Variants in RETREG1 observed in about 807,000 individuals in gnomAD.
RETREG1 encodes the protein family with sequence similarity 134 member B.
RETREG1 carries 44 observed loss-of-function variants against 54.8 expected under a neutral mutation model. That is an observed-to-expected ratio of 0.80 (90% confidence interval 0.63 to 1.03). RETREG1 has a LOEUF of 1.03. RETREG1 is among the 50% of genes least tolerant of loss of function. The pLI, the probability that RETREG1 is intolerant of heterozygous loss-of-function variation, is 0.00. For synonymous variants in RETREG1, 217 were observed against 238.5 expected, an observed-to-expected ratio of 0.91 and a Z score of 0.83; for missense variants, 554 against 605.1, an observed-to-expected ratio of 0.92 and a Z score of 0.89.
At chr5:16,492,769 A>G (rs931316350) in intron 3 of RETREG1, among the ~76,000 whole-genome samples, 31 of 152,224 alleles carry the variant, frequency 2.0e-4, no homozygotes, top group Admixed American at 1.2e-3. Context: ...AGGTGCTTGC[A>G]TATGACTGTA....
At chr5:16,569,578 C>T (rs963485267) in intron 2 of RETREG1, among the ~76,000 whole-genome samples, 2 of 152,156 alleles carry the variant, frequency 1.3e-5, no homozygotes, top group African/African-American at 4.8e-5. Context: ...GAAGGCCCTT[C>T]TATTTGACGC....
intron 3 of RETREG1, among the ~76,000 whole-genome samples, chr5:16,496,361 G>T (rs748145452): frequency 3.3e-5 from 5 of 152,160 alleles, no homozygotes; most frequent in Non-Finnish European, 7.3e-5. Flanking sequence ...CCATCTCATT[G>T]CTCAGACACT....
chr5:16,534,284 A>G (rs1195305614), intron 3 of RETREG1, among the ~76,000 whole-genome samples: 2 of 152,190 alleles, frequency 1.3e-5, no homozygotes, highest in African/African-American at 4.8e-5. Flanking sequence ...GTCACTAAAA[A>G]ACAAACAACG....
intron 3 of RETREG1, among the ~76,000 whole-genome samples, chr5:16,500,935 G>A (rs1056439669): frequency 2.3e-4 from 35 of 152,158 alleles, no homozygotes; most frequent in Middle Eastern, 3.4e-3. Context: ...CCCCCTAGAG[G>A]AGACTACCAC....
At chr5:16,553,953 A>G (rs1273151411) in intron 3 of RETREG1, among the ~76,000 whole-genome samples, 1 of 152,216 alleles carries the variant, frequency 6.6e-6, no homozygotes, top group Non-Finnish European at 1.5e-5. Flanking sequence ...CAAAGACTAC[A>G]GTTCGGACCA....
chr5:16,550,484 T>C (rs1741504537), intron 3 of RETREG1, among the ~76,000 whole-genome samples: 1 of 152,168 alleles, frequency 6.6e-6, no homozygotes, highest in African/African-American at 2.4e-5. Context: ...ACGCCCATCA[T>C]CTGCCAGTCC....
At chr5:16,613,267 T>A (rs1743400248) in intron 1 of RETREG1, among the ~76,000 whole-genome samples, 1 of 152,198 alleles carries the variant, frequency 6.6e-6, no homozygotes, top group African/African-American at 2.4e-5. Flanking sequence ...GGTTGAAATA[T>A]TAGGTACACC....
chr5:16,510,818 C>CA (rs57713373), intron 3 of RETREG1, among the ~76,000 whole-genome samples: 4,248 of 75,622 alleles, frequency 0.056, 126 homozygotes, highest in Non-Finnish European at 0.073. Context: ...ACAACAACAA[C>CA]AAAAAAAAAA....
intron 3 of RETREG1, among the ~76,000 whole-genome samples, chr5:16,515,819 G>A (rs779012999): frequency 6.6e-5 from 10 of 152,142 alleles, no homozygotes; most frequent in Admixed American, 6.5e-5. Context: ...AGCAATGCGC[G>A]AGGGAAATGA....
rs527961355 is a variant in RETREG1 at position 16,486,931 on chromosome 5, C to T, written c.459-3459G>A. Among the ~76,000 whole-genome samples the T allele has an allele frequency of 7.9e-5, 12 of 152,276 alleles. No homozygotes were observed. The South Asian group carries it at 2.1e-3, about 26-fold the overall frequency. On this transcript the variant is annotated intron_variant, in intron 3 of 8. Transcript: ENST00000306320. ...TCATCTGCACACACACACATACACA[C>T]GCTGAGTTGCTACGTAATGAAACTC...
At chr5:16,503,868 A>T (rs937262863) in intron 3 of RETREG1, among the ~76,000 whole-genome samples, 2 of 151,266 alleles carry the variant, frequency 1.3e-5, no homozygotes, top group Admixed American at 1.3e-4. Flanking sequence ...CAATATTTTG[A>T]TTCTCTTTCC....
chr5:16,543,370 C>A (rs991438511), intron 3 of RETREG1, among the ~76,000 whole-genome samples: 1 of 152,068 alleles, frequency 6.6e-6, no homozygotes, highest in African/African-American at 2.4e-5. Flanking sequence ...GTATATTTAT[C>A]TTTTTAAAAA....
chr5:16,575,115 A>G (rs140009295), intron 1 of RETREG1, among the ~76,000 whole-genome samples: 58 of 152,336 alleles, frequency 3.8e-4, no homozygotes, highest in African/African-American at 1.4e-3. Flanking sequence ...ATAGTGACCC[A>G]CAATAAGAAA....
At chr5:16,598,070 C>T (rs1049682670) in intron 1 of RETREG1, among the ~76,000 whole-genome samples, 2 of 152,092 alleles carry the variant, frequency 1.3e-5, no homozygotes, top group South Asian at 2.1e-4. Context: ...TTCCATCTCC[C>T]CACCTCCCGA....
chr5:16,489,510 G>A (rs192032550), intron 3 of RETREG1, among the ~76,000 whole-genome samples: 4 of 152,208 alleles, frequency 2.6e-5, no homozygotes, highest in Middle Eastern at 3.2e-3. Flanking sequence ...CTAGCAGCCT[G>A]TTTCATCCCT....
Position 16,474,689 on chromosome 5 carries a change from G to GAAATTTTTTTGGTTTTT in RETREG1, c.*51_*52insAAAAACCAAAAAAATTT. Reference sequence around the variant, plus strand: ...TTTTCCTTTTTTTTTTTTTTTTCTTGTTTGAAATTTTTTTGGTGTTTTTTG... The same window carrying GAAATTTTTTTGGTTTTT: ...TTTTCCTTTTTTTTTTTTTTTTCTTGAAATTTTTTTGGTTTTTTTTGAAATTTTTTTGGTGTTTTTTG... On this transcript the variant is annotated 3_prime_UTR_variant, in exon 9 of 9. Coordinates refer to ENST00000306320, the MANE Select transcript of RETREG1 (RefSeq NM_001034850.3). 9.1e-7 allele frequency: 1 copy of GAAATTTTTTTGGTTTTT among 1,096,482 alleles called. No individual in the cohort carries two copies. The highest frequency in any genetic ancestry group is 1.2e-6 in the Non-Finnish European group (1 of 841,780). 67.9% of individuals were successfully genotyped at this position (1,096,482 alleles called of 1,614,324 possible).
At chr5:16,505,930 C>T (rs572171904) in intron 3 of RETREG1, among the ~76,000 whole-genome samples, 202 of 152,348 alleles carry the variant, frequency 1.3e-3, no homozygotes, top group Non-Finnish European at 2.3e-3. Context: ...CCTCTCCCCT[C>T]GTCTCTTGAC....
At chr5:16,537,765 C>CCATGCAGCATGCAG (rs35902793) in intron 3 of RETREG1, among the ~76,000 whole-genome samples, 1 of 136,300 alleles carries the variant, frequency 7.3e-6, no homozygotes, top group Non-Finnish European at 1.7e-5. Flanking sequence ...AGGGTCAGCA[C>CCATGCAGCATGCAG]CATGCAGCAT....
At chr5:16,600,744 A>G (rs933113980) in intron 1 of RETREG1, among the ~76,000 whole-genome samples, 1 of 152,240 alleles carries the variant, frequency 6.6e-6, no homozygotes, top group Non-Finnish European at 1.5e-5. Context: ...ATTTCAGGAA[A>G]GCCTTCAACA....
Sources: allele counts gnomAD v4.1 joint callset (sites outside exome capture counted in the v4.1 genomes callset), GRCh38; gene constraint gnomAD v4.1.1; transcripts MANE v1.5; gene names NCBI Gene and HGNC (gene_info 2026-07-23, HGNC 2026-07-21).